The following GPC6 variants were observed in gnomAD, a reference collection of about 807,000 sequenced individuals.
GPC6 encodes glypican 6, also known as glypican-6.
In GPC6, 14 loss-of-function variants were observed where a neutral mutation model predicts 55.2. The observed-to-expected ratio is 0.25, with a 90% CI of 0.17 to 0.40. The LOEUF is 0.40. Among genes scored for constraint, GPC6 ranks in the 10% least tolerant of loss-of-function variants. The pLI is 1.00. For missense variants in GPC6, 641 were observed against 708.5 expected, an observed-to-expected ratio of 0.90 and a Z score of 1.08; for synonymous variants, 278 against 259.6, an observed-to-expected ratio of 1.07 and a Z score of -0.68.
At chr13:93,232,463 G>A (rs1241464981) in intron 1 of GPC6, among the ~76,000 whole-genome samples, 2 of 152,046 alleles carry the variant, frequency 1.3e-5, no homozygotes, top group Non-Finnish European at 2.9e-5. Context: ...TCTTGATTTG[G>A]GCATTAATTT....
At chr13:94,340,012 C>T (rs971296123) in intron 6 of GPC6, among the ~76,000 whole-genome samples, 2 of 152,044 alleles carry the variant, frequency 1.3e-5, no homozygotes, top group Non-Finnish European at 2.9e-5. Flanking sequence ...ATCCACCCGC[C>T]TCACCCTCCC....
rs376461409 is a variant in GPC6, at chr13:94,127,872, T to C, written c.877+99978T>C. On this transcript the variant is annotated intron_variant, in intron 4 of 8. Transcript: ENST00000377047. ...GGAATAATCATTTCTAGCTCCTGAATGTTCCTATCTGCTATCCAAGGCATA... is the reference window on the plus strand; with the variant it reads ...GGAATAATCATTTCTAGCTCCTGAACGTTCCTATCTGCTATCCAAGGCATA... Among the ~76,000 whole-genome samples, 10 of 152,216 alleles carry C rather than the reference T, an allele frequency of 6.6e-5. No homozygotes were observed. In the East Asian group the frequency reaches 1.7e-3, roughly 27 times the overall value.
chr13:93,559,743 G>GGCAGCTAACATCTCC (rs1482003170), intron 2 of GPC6, among the ~76,000 whole-genome samples: 1 of 152,156 alleles, frequency 6.6e-6, no homozygotes, highest in Non-Finnish European at 1.5e-5. Flanking sequence ...AATTCTTAAA[G>GGCAGCTAACATCTCC]GCAGCTAACA....
chr13:93,677,448 T>C (rs923047970), intron 2 of GPC6, among the ~76,000 whole-genome samples: 5 of 152,054 alleles, frequency 3.3e-5, no homozygotes, highest in African/African-American at 9.7e-5. Flanking sequence ...AAGGAAGTTA[T>C]AGTTTCTCTT....
At position 93,617,105 on chromosome 13, in the gene GPC6, G is replaced by T. The variant is rs139222918; in HGVS notation, c.319+71684G>T. Among the ~76,000 whole-genome samples, 330 of 152,142 alleles carry T rather than the reference G, an allele frequency of 2.2e-3. 1 individual carries two copies. Among genetic ancestry groups the T allele is most frequent in the Middle Eastern group, 6.8e-3 (2 of 294 alleles). On this transcript the variant is annotated intron_variant, in intron 2 of 8. Coordinates refer to ENST00000377047, the MANE Select transcript of GPC6 (RefSeq NM_005708.5). Reference sequence around the variant, plus strand: ...TAGGCCACACCAGAAGAGCACAGAGGTTACTGGAGTAATATTGAGGATGAT... The same window carrying T: ...TAGGCCACACCAGAAGAGCACAGAGTTTACTGGAGTAATATTGAGGATGAT...
At chr13:93,605,842 T>TAA (rs1193693750) in intron 2 of GPC6, among the ~76,000 whole-genome samples, 3,165 of 65,824 alleles carry the variant, frequency 0.048, 160 homozygotes, top group African/African-American at 0.13. Flanking sequence ...ACCGTCTCAA[T>TAA]AAAAAAAAAA....
chr13:93,682,283 G>A (rs1014212399), intron 2 of GPC6, among the ~76,000 whole-genome samples: 1 of 152,178 alleles, frequency 6.6e-6, no homozygotes, highest in Non-Finnish European at 1.5e-5. Flanking sequence ...AAAAGGGGGA[G>A]TTGTACTATA....
chr13:93,807,740 A>G (rs570642835), intron 2 of GPC6, among the ~76,000 whole-genome samples: 23 of 152,314 alleles, frequency 1.5e-4, no homozygotes, highest in African/African-American at 5.5e-4. Flanking sequence ...ACACTGGTGT[A>G]TGGTAGACTC....
At chr13:93,714,950 G>T (rs1883199718) in intron 2 of GPC6, among the ~76,000 whole-genome samples, 1 of 151,580 alleles carries the variant, frequency 6.6e-6, no homozygotes, top group African/African-American at 2.4e-5. Flanking sequence ...AACTGTCATG[G>T]TGACAGGGGT....
At chr13:93,467,791 A>G (rs957722645) in intron 1 of GPC6, among the ~76,000 whole-genome samples, 1 of 151,626 alleles carries the variant, frequency 6.6e-6, no homozygotes, top group Non-Finnish European at 1.5e-5. Flanking sequence ...GTTTCTCCTT[A>G]TCTTGCACAG....
intron 6 of GPC6, among the ~76,000 whole-genome samples, chr13:94,377,510 C>T (rs9561547): frequency 0.2 from 30,199 of 147,322 alleles, 3,311 homozygotes; most frequent in East Asian, 0.29. Flanking sequence ...CATCTCACAG[C>T]AGTTAGAATG....
intron 3 of GPC6, among the ~76,000 whole-genome samples, chr13:93,847,962 C>G (rs7329264): frequency 6.6e-6 from 1 of 151,778 alleles, no homozygotes. Flanking sequence ...AGAATATGTA[C>G]ATGGATTTAT....
At chr13:93,411,986 G>C (rs1876513473) in intron 1 of GPC6, among the ~76,000 whole-genome samples, 1 of 149,562 alleles carries the variant, frequency 6.7e-6, no homozygotes, top group South Asian at 2.1e-4. Context: ...CTGGGCAACA[G>C]AGAGGGACTA....
At chr13:93,287,115 A>G (rs1028828978) in intron 1 of GPC6, among the ~76,000 whole-genome samples, 8 of 152,208 alleles carry the variant, frequency 5.3e-5, no homozygotes, top group African/African-American at 1.9e-4. Flanking sequence ...CCACCAAGAT[A>G]TCTCATTATG....
At chr13:93,522,689 A>T (rs933575518) in intron 1 of GPC6, among the ~76,000 whole-genome samples, 1 of 151,890 alleles carries the variant, frequency 6.6e-6, no homozygotes, top group South Asian at 2.1e-4. Flanking sequence ...CAGTGGATGT[A>T]GCCAGTGTGA....
intron 1 of GPC6, among the ~76,000 whole-genome samples, chr13:93,363,890 G>A (rs1881142056): frequency 6.6e-6 from 1 of 152,004 alleles, no homozygotes; most frequent in Admixed American, 6.6e-5. Flanking sequence ...GGCCAGTGAT[G>A]CTGAGCATTT....
chr13:93,535,722 T>G (rs1193319017), intron 1 of GPC6, among the ~76,000 whole-genome samples: 1 of 151,364 alleles, frequency 6.6e-6, no homozygotes, highest in Non-Finnish European at 1.5e-5. Flanking sequence ...CTGATTTTCC[T>G]TAGCTTCTCT....
chr13:93,910,316 T>G (rs1876900626), intron 3 of GPC6, among the ~76,000 whole-genome samples: 1 of 152,116 alleles, frequency 6.6e-6, no homozygotes, highest in South Asian at 2.1e-4. Flanking sequence ...GAGAAGTCCC[T>G]TTGCTTTTCC....
intron 1 of GPC6, among the ~76,000 whole-genome samples, chr13:93,490,765 C>T (rs1262473622): frequency 1.7e-5 from 2 of 118,030 alleles, no homozygotes; most frequent in Admixed American, 9.3e-5. Flanking sequence ...TGAGAATATG[C>T]GGTGTTTGGT....
Sources: gnomAD v4.1 joint callset for allele counts (sites outside exome capture counted in the v4.1 genomes callset) on GRCh38, gnomAD v4.1.1 for gene constraint, MANE v1.5 for transcripts, NCBI Gene and HGNC (gene_info 2026-07-23, HGNC 2026-07-21) for gene names.